Variants in ABCC5 observed in about 807,000 individuals in gnomAD.
ABCC5 encodes the protein ATP binding cassette subfamily C member 5, also known as ATP-binding cassette sub-family C member 5.
A neutral mutation model predicts 160.9 loss-of-function variants in ABCC5; 61 were observed. The ratio of observed to expected loss-of-function variants is 0.38; its 90% CI spans 0.31 to 0.47. The LOEUF (loss-of-function observed/expected upper bound fraction) is 0.47. Ranked by LOEUF, ABCC5 falls within the 20% of genes least tolerant of loss-of-function variation. ABCC5 has a pLI of 0.99. For missense variants in ABCC5, 1,308 were observed against 1,813.3 expected (o/e 0.72, Z 5.06); for synonymous variants, 666 against 700.6 (o/e 0.95, Z 0.78).
chr3:183,927,366 G>A lies in ABCC5; in HGVS notation c.4011C>T (p.Leu1337=). 6.2e-7 allele frequency: 1 copy of A among 1,613,546 alleles called. No individual in the cohort carries two copies. The highest frequency in any genetic ancestry group is 8.5e-7 in the Non-Finnish European group (1 of 1,179,768). ...GDNFSVGERQ[L]LCIARALLRH... ...GGAGCAGGGCTCTAGCTATGCACAA[G>A]AGCTGCCGTTCCCCCACTGAGAAGT... is the stretch of plus-strand genomic sequence containing the variant. Residue 1337 remains leucine, a synonymous_variant, in exon 28 of 30, where the codon CTC becomes CTT. Transcript: ENST00000334444.
intron 17 of ABCC5, among the ~76,000 whole-genome samples, chr3:183,957,202 T>A (rs1383456914): frequency 1.2e-5 from 1 of 83,804 alleles, no homozygotes. Flanking sequence ...GGTTACATGC[T>A]TATCCGTGTG....
chr3:183,952,798 G>A (rs541509482), intron 18 of ABCC5, among the ~76,000 whole-genome samples: 34 of 152,208 alleles, frequency 2.2e-4, no homozygotes, highest in Non-Finnish European at 4.1e-4. Flanking sequence ...CAAGTACCCC[G>A]TCTTGGGTAT....
At position 183,945,925 on chromosome 3, in the gene ABCC5, G is replaced by C; in HGVS notation, c.3429C>G (p.Phe1143Leu). Reference sequence around the variant, plus strand: ...CAGATGCCAGTCTGACCGTAAACTGGAACAGCCCCGTTAACTGATAATGGA... The same window carrying C: ...CAGATGCCAGTCTGACCGTAAACTGCAACAGCCCCGTTAACTGATAATGGA... ...ISYAVQLTGL[F>L]QFTVRLASET... is the part of the protein sequence containing the mutation. Residue 1143 changes from phenylalanine (F) to leucine (L), a missense_variant, in exon 24 of 30, where the codon TTC becomes TTG. Coordinates refer to ENST00000334444, the MANE Select transcript of ABCC5 (RefSeq NM_005688.4). The C allele has an allele frequency of 6.2e-7, 1 of 1,613,996 alleles. No individual in the cohort carries two copies. Among genetic ancestry groups the C allele is most frequent in the Non-Finnish European group, 8.5e-7 (1 of 1,179,920 alleles).
At position 183,947,581 on chromosome 3, in the gene ABCC5, G is replaced by A. The variant is rs563101852; in HGVS notation, c.3228-71C>T. 47 of 1,255,364 alleles carry A rather than the reference G, an allele frequency of 3.7e-5. 1 individual carries two copies. The highest frequency in any genetic ancestry group is 3.9e-4 in the Middle Eastern group (2 of 5,150). 77.8% of individuals were successfully genotyped at this position (1,255,364 alleles called of 1,614,324 possible). On this transcript the variant is annotated intron_variant, in intron 22 of 29. Coordinates refer to ENST00000334444, the MANE Select transcript of ABCC5 (RefSeq NM_005688.4). ...CCCCGCGCATGGACAAAGCTTCAGC[G>A]AATCAGATGATGGAGGGCACGTATT...
intron 2 of ABCC5, among the ~76,000 whole-genome samples, chr3:183,990,285 T>C (rs1719636180): frequency 6.6e-6 from 1 of 151,968 alleles, no homozygotes; most frequent in African/African-American, 2.4e-5. Flanking sequence ...TTTTGTATTT[T>C]TAGTAGACAC....
Position 183,921,127 on chromosome 3 carries a change from T to C in ABCC5, c.*173A>G. 2.0e-6 allele frequency: 1 copy of C among 488,452 alleles called. No homozygotes were observed. Among genetic ancestry groups the C allele is most frequent in the African/African-American group, 2.0e-5 (1 of 50,336 alleles). The allele number at this position is 488,452 out of a possible 1,614,324, so 30.3% of individuals were successfully genotyped here. ...TTACATGAATATGGAATAAATACAA[T>C]AATCAAAATATGACTCTCCCTAAAA... On this transcript the variant is annotated 3_prime_UTR_variant, in exon 30 of 30. Coordinates refer to ENST00000334444, the MANE Select transcript of ABCC5 (RefSeq NM_005688.4). The surrounding 1 kb of genome is among the most constrained non-coding windows in gnomAD (Gnocchi z 4.1).
chr3:184,014,148 T>C (rs541363423), intron 2 of ABCC5, 116 bp downstream of exon 2: 9 of 876,604 alleles, frequency 1.0e-5, no homozygotes, highest in East Asian at 5.7e-5. Flanking sequence ...GCTGGGTTTA[T>C]AGGCGTGAGC....
At chr3:183,972,068 C>T in intron 10 of ABCC5, 149 bp from the exon 11 acceptor site, 1 of 1,510,630 alleles carries the variant, frequency 6.6e-7, no homozygotes, top group South Asian at 1.2e-5. Context: ...TAGTGCAGCC[C>T]AATCTCAGGC....
intron 5 of ABCC5, chr3:183,983,981 A>C: frequency 1.0e-6 from 1 of 985,460 alleles, no homozygotes; most frequent in Non-Finnish European, 1.2e-6. Flanking sequence ...TCCAGAGTCC[A>C]AAGTAGTATA....
At chr3:184,010,266 CAAA>C (rs10541470) in intron 2 of ABCC5, among the ~76,000 whole-genome samples, 1,857 of 74,452 alleles carry the variant, frequency 0.025, 16 homozygotes, top group African/African-American at 0.088. Context: ...GACTTCGTCT[CAAA>C]AAAAAAAAAA....
Position 183,952,057 on chromosome 3 carries a change from C to T in ABCC5, c.2668-54G>A, listed in dbSNP as rs1715410132. The T allele has an allele frequency of 3.2e-6, 5 of 1,570,410 alleles. No individual in the cohort carries two copies. In the Admixed American group the frequency reaches 8.4e-5, roughly 27 times the overall value. On this transcript the variant is annotated intron_variant, in intron 18 of 29. Transcript: ENST00000334444. ...AGACTCCTAACGACTGCCAAGAGCCCCTGCTCAGCGCCATTCTCAGCTCAA... is the reference window on the plus strand; with the variant it reads ...AGACTCCTAACGACTGCCAAGAGCCTCTGCTCAGCGCCATTCTCAGCTCAA...
At chr3:183,990,500 T>C (rs1419397640) in intron 2 of ABCC5, among the ~76,000 whole-genome samples, 1 of 152,202 alleles carries the variant, frequency 6.6e-6, no homozygotes, top group Non-Finnish European at 1.5e-5. Context: ...GAGTCAATTA[T>C]TTCACTACTA....
intron 27 of ABCC5, among the ~76,000 whole-genome samples, chr3:183,928,424 T>TATA (rs1712826404): frequency 6.6e-6 from 1 of 152,220 alleles, no homozygotes; most frequent in Non-Finnish European, 1.5e-5. Flanking sequence ...GTTATATATC[T>TATA]TTTGCGTATA....
At chr3:183,966,893 A>G (rs898531510) in intron 12 of ABCC5, among the ~76,000 whole-genome samples, 1 of 152,152 alleles carries the variant, frequency 6.6e-6, no homozygotes, top group Admixed American at 6.6e-5. Flanking sequence ...CCTCTGTTTC[A>G]TTTCAATTCA....
At chr3:184,010,890 C>T (rs1721680338) in intron 2 of ABCC5, among the ~76,000 whole-genome samples, 1 of 150,944 alleles carries the variant, frequency 6.6e-6, no homozygotes, top group African/African-American at 2.4e-5. Flanking sequence ...TTCCGCCTCT[C>T]AGGTTCAAGC....
At chr3:183,930,034 C>T (rs1048682589) in intron 26 of ABCC5, among the ~76,000 whole-genome samples, 9 of 124,896 alleles carry the variant, frequency 7.2e-5, no homozygotes, top group South Asian at 2.6e-4. Context: ...TAATTTTGGA[C>T]GGCTTGTCTT....
At chr3:183,968,414 A>G (rs77792557) in intron 11 of ABCC5, among the ~76,000 whole-genome samples, 2,373 of 152,158 alleles carry the variant, frequency 0.016, 45 homozygotes, top group Admixed American at 0.019. Context: ...CTGGCCACCC[A>G]TATTCTTTAT....
At chr3:183,990,292 A>C (rs937286363) in intron 2 of ABCC5, among the ~76,000 whole-genome samples, 3 of 151,818 alleles carry the variant, frequency 2.0e-5, no homozygotes, top group Admixed American at 6.6e-5. Flanking sequence ...TTTTTAGTAG[A>C]CACGGGGTTT....
intron 2 of ABCC5, among the ~76,000 whole-genome samples, chr3:183,999,841 G>C (rs992219685): frequency 6.6e-5 from 10 of 151,946 alleles, no homozygotes; most frequent in Admixed American, 5.2e-4. Flanking sequence ...TGATATCCAG[G>C]TTTCATATCA....
Sources: allele counts gnomAD v4.1 joint callset (sites outside exome capture counted in the v4.1 genomes callset), GRCh38; gene constraint gnomAD v4.1.1; non-coding constraint Gnocchi (gnomAD v3.1); transcripts MANE v1.5; gene names NCBI Gene and HGNC (gene_info 2026-07-23, HGNC 2026-07-21).